The following GJC1 variants were observed in gnomAD, a reference collection of about 807,000 sequenced individuals.
The protein encoded by GJC1 is gap junction gamma-1 protein.
In GJC1, 5 loss-of-function variants were observed where a neutral mutation model predicts 29.3. The observed-to-expected ratio is 0.17, with a 90% CI of 0.09 to 0.36. The LOEUF (loss-of-function observed/expected upper bound fraction) is 0.36, where lower values mean the gene tolerates loss of function less well. GJC1 is among the 10% of genes least tolerant of loss of function. The pLI, the probability that GJC1 is intolerant of heterozygous loss-of-function variation, is 1.00. For missense variants in GJC1, 310 were observed against 496.2 expected (o/e 0.62, Z 3.56); for synonymous variants, 177 against 183.3 (o/e 0.97, Z 0.28).
chr17:44,816,104 C>T (rs2050039856), intron 1 of GJC1, among the ~76,000 whole-genome samples: 1 of 115,468 alleles, frequency 8.7e-6, no homozygotes, highest in Admixed American at 1.1e-4. Context: ...CAGAGCGACA[C>T]TCCGTCTCAA....
chr17:44,796,620 C>T (rs1366283830), downstream of GJC1, among the ~76,000 whole-genome samples: 1 of 152,100 alleles, frequency 6.6e-6, no homozygotes, highest in Non-Finnish European at 1.5e-5. Context: ...ATAAGAATCA[C>T]CAGGTAATTT....
intron 2 of GJC1, among the ~76,000 whole-genome samples, chr17:44,807,021 G>A (rs2049920493): frequency 6.6e-6 from 1 of 152,048 alleles, no homozygotes; most frequent in South Asian, 2.1e-4. Flanking sequence ...TTACTTAGAA[G>A]CCCAGTAAAT....
rs1160736962 is a variant in GJC1 at position 44,806,397 on chromosome 17, G to GT, written c.-20-561dup. Among the ~76,000 whole-genome samples, 384 of 103,588 alleles carry GT rather than the reference G, an allele frequency of 3.7e-3. 1 individual carries two copies. The highest frequency in any genetic ancestry group is 0.013 in the African/African-American group (361 of 27,694). The allele number at this position is 103,588 out of a possible 152,430, so 68.0% of individuals were successfully genotyped here. ...ATATTTCTCAGACCTTGGTTCTTCTGTTTGTTTTTTTTTTTTTTTTTTGAG... is the reference window on the plus strand; with the variant it reads ...ATATTTCTCAGACCTTGGTTCTTCTGTTTTGTTTTTTTTTTTTTTTTTTGAG... On this transcript the variant is annotated intron_variant, in intron 2 of 2. Transcript: ENST00000592524.
At chr17:44,827,636 GA>G (rs1009034740) in intron 1 of GJC1, among the ~76,000 whole-genome samples, 3 of 146,272 alleles carry the variant, frequency 2.1e-5, no homozygotes, top group Admixed American at 6.8e-5. Flanking sequence ...CAATGTCTTT[GA>G]AAAAAAAAAG....
At chr17:44,798,176 T>C (rs1448221881), downstream of GJC1, among the ~76,000 whole-genome samples, 1 of 152,194 alleles carries the variant, frequency 6.6e-6, no homozygotes, top group African/African-American at 2.4e-5. Flanking sequence ...TTAGCCACAG[T>C]AGTCCCAGAA....
intron 1 of GJC1, among the ~76,000 whole-genome samples, chr17:44,826,751 A>G (rs2050181414): frequency 6.6e-6 from 1 of 152,326 alleles, no homozygotes; most frequent in Non-Finnish European, 1.5e-5. Context: ...TGCAGTAAAT[A>G]GCAATGCTCA....
At chr17:44,795,707 G>C (rs2049779003), downstream of GJC1, among the ~76,000 whole-genome samples, 1 of 152,226 alleles carries the variant, frequency 6.6e-6, no homozygotes, top group Non-Finnish European at 1.5e-5. Context: ...GTCCAGGGGT[G>C]AATGTTTACA....
chr17:44,827,518 A>G (rs2050189387), intron 1 of GJC1, among the ~76,000 whole-genome samples: 1 of 152,078 alleles, frequency 6.6e-6, no homozygotes, highest in Non-Finnish European at 1.5e-5. Flanking sequence ...ACAGGAAAGG[A>G]GGAGAAAAAA....
downstream of GJC1, among the ~76,000 whole-genome samples, chr17:44,795,964 G>C (rs1436624054): frequency 6.6e-6 from 1 of 152,244 alleles, no homozygotes; most frequent in African/African-American, 2.4e-5. Context: ...AGCCAGAAGG[G>C]AGATGCTTTT....
intron 1 of GJC1, among the ~76,000 whole-genome samples, chr17:44,812,282 G>A (rs904852639): frequency 6.6e-6 from 1 of 152,076 alleles, no homozygotes; most frequent in Non-Finnish European, 1.5e-5. Context: ...TCGAGATTGC[G>A]CCACTGTACT....
At chr17:44,797,405 T>C (rs1471411405), downstream of GJC1, among the ~76,000 whole-genome samples, 1 of 152,180 alleles carries the variant, frequency 6.6e-6, no homozygotes, top group African/African-American at 2.4e-5. Context: ...TTCTAACAAG[T>C]AGTCCAATGG....
intron 1 of GJC1, among the ~76,000 whole-genome samples, chr17:44,822,440 G>A (rs970205923): frequency 5.3e-5 from 8 of 150,990 alleles, no homozygotes; most frequent in East Asian, 3.9e-4. Context: ...TCAGGAGTTC[G>A]AGACCAACCT....
rs2049826577 is a variant in GJC1, at chr17:44,800,242, G to A, written c.*4385C>T. Reference sequence around the variant, plus strand: ...TCTCATCTCAGCCTCCTGAGTAGCTGGGATTACAGGTACCCACCACCACGC... The same window carrying A: ...TCTCATCTCAGCCTCCTGAGTAGCTAGGATTACAGGTACCCACCACCACGC... On this transcript the variant is annotated 3_prime_UTR_variant, in exon 3 of 3. Coordinates refer to ENST00000592524, the MANE Select transcript of GJC1 (RefSeq NM_005497.4). 6.6e-6 allele frequency: 1 copy of A among 152,048 alleles called. No individual in the cohort carries two copies. The highest frequency in any genetic ancestry group is 1.5e-5 in the Non-Finnish European group (1 of 68,046). 9.4% of individuals were successfully genotyped at this position (152,048 alleles called of 1,614,324 possible). A position where few individuals can be genotyped will look rare whatever the true frequency, so the allele number is the denominator to read the frequency against.
At chr17:44,821,698 A>C (rs2050107741) in intron 1 of GJC1, among the ~76,000 whole-genome samples, 1 of 6,938 alleles carries the variant, frequency 1.4e-4, no homozygotes. Flanking sequence ...ACTCCGTCTC[A>C]AAAAAAAAAA....
rs1194411226 is a variant in GJC1, at chr17:44,803,300, T to C, written c.*1327A>G. 6.6e-6 allele frequency: 1 copy of C among 152,070 alleles called. No homozygotes were observed. Among genetic ancestry groups the C allele is most frequent in the Non-Finnish European group, 1.5e-5 (1 of 68,014 alleles). 9.4% of individuals were successfully genotyped at this position (152,070 alleles called of 1,614,324 possible). A position where few individuals can be genotyped will look rare whatever the true frequency, so the allele number is the denominator to read the frequency against. On this transcript the variant is annotated 3_prime_UTR_variant, in exon 3 of 3. Transcript: ENST00000592524. ...CAGAAGCTCACAAAACTTAAGACAA[T>C]GTGAACATGATGAGAAAGCAAAGCT... is the stretch of plus-strand genomic sequence containing the variant.
Position 44,809,571 on chromosome 17 carries a change from C to CTT in GJC1, c.-96-2104_-96-2103dup, listed in dbSNP as rs113989364. On this transcript the variant is annotated intron_variant, in intron 1 of 2. Coordinates refer to ENST00000592524, the MANE Select transcript of GJC1 (RefSeq NM_005497.4). ...TCCATCCACAAAGATAAATGTGTAT[C>CTT]TTTTTTTTTTTTTTTTGAGACGGAG... is the stretch of plus-strand genomic sequence containing the variant. 2.4e-3 allele frequency among the ~76,000 whole-genome samples: 336 copies of CTT among 141,540 alleles called. 1 individual carries two copies. The highest frequency in any genetic ancestry group is 7.6e-3 in the African/African-American group (297 of 38,854). The allele number at this position is 141,540 out of a possible 152,430, so 92.9% of individuals were successfully genotyped here.
At position 44,803,714 on chromosome 17, in the gene GJC1, A is replaced by G. The variant is rs1043930933; in HGVS notation, c.*913T>C. 3 of 152,212 alleles carry G rather than the reference A, an allele frequency of 2.0e-5. No homozygotes were observed. Among genetic ancestry groups the G allele is most frequent in the Non-Finnish European group, 2.9e-5 (2 of 68,036 alleles). The allele number at this position is 152,212 out of a possible 1,614,324, so 9.4% of individuals were successfully genotyped here. ...AGGTTTCTGGATAGAGGCTTAAGGCAAATCAAACAGGTTCACAACTAAGCA... is the reference window on the plus strand; with the variant it reads ...AGGTTTCTGGATAGAGGCTTAAGGCGAATCAAACAGGTTCACAACTAAGCA... On this transcript the variant is annotated 3_prime_UTR_variant, in exon 3 of 3. Coordinates refer to ENST00000592524, the MANE Select transcript of GJC1 (RefSeq NM_005497.4).
chr17:44,814,480 T>A (rs958825441), intron 1 of GJC1, among the ~76,000 whole-genome samples: 1 of 151,608 alleles, frequency 6.6e-6, no homozygotes, highest in Admixed American at 6.6e-5. Context: ...GCTTCTTAAA[T>A]TTTTTTTTAA....
In GJC1 at chr17:44,798,775, A is replaced by AT. The variant is rs1466994500; in HGVS notation, c.*5851dup. ...CCTGAGGTAGAGATTTCTGTAAGAG[A>AT]TTTTTTTAAAACACAATTGAGAGTA... is the stretch of plus-strand genomic sequence containing the variant. On this transcript the variant is annotated 3_prime_UTR_variant, in exon 3 of 3. Coordinates refer to ENST00000592524, the MANE Select transcript of GJC1 (RefSeq NM_005497.4). The AT allele has an allele frequency of 6.6e-6, 1 of 152,200 alleles. No individual in the cohort carries two copies. The highest frequency in any genetic ancestry group is 6.5e-5 in the Admixed American group (1 of 15,278). 9.4% of individuals were successfully genotyped at this position (152,200 alleles called of 1,614,324 possible).
Sources: gnomAD v4.1 joint callset for allele counts (sites outside exome capture counted in the v4.1 genomes callset) on GRCh38, gnomAD v4.1.1 for gene constraint, MANE v1.5 for transcripts, NCBI Gene and HGNC (gene_info 2026-07-23, HGNC 2026-07-21) for gene names.